HMCN1: variants seen among roughly 807,000 people sequenced by gnomAD.
HMCN1 encodes hemicentin 1.
Under a neutral mutation model 625.9 loss-of-function variants are expected in HMCN1, and 321 were observed. The ratio of observed to expected loss-of-function variants is 0.51; its 90% CI spans 0.47 to 0.56. The LOEUF is 0.56. Among genes scored for constraint, HMCN1 ranks in the 20% least tolerant of loss-of-function variants. HMCN1 has a pLI of 0.00. For missense variants in HMCN1, 6,588 were observed against 6,887.3 expected (o/e 0.96, Z 1.54); for synonymous variants, 2,425 against 2,417.6 (o/e 1.00, Z -0.09).
Position 186,038,872 on chromosome 1 carries a change from C to T in HMCN1, c.5895C>T (p.Thr1965=). ...YKDNRLLSGS[T]SMTFLNRGQI... ...ATAATCGTCTACTCTCAGGTTCCACCAGCATGACTTTCTTGAACAGAGGAC... is the reference window on the plus strand; with the variant it reads ...ATAATCGTCTACTCTCAGGTTCCACTAGCATGACTTTCTTGAACAGAGGAC... Residue 1965 remains threonine (T), a synonymous_variant, in exon 38 of 107, where the codon ACC becomes ACT. Coordinates refer to ENST00000271588, the MANE Select transcript of HMCN1 (RefSeq NM_031935.3). The T allele has an allele frequency of 1.2e-6, 2 of 1,604,082 alleles. No individual in the cohort carries two copies. The highest frequency in any genetic ancestry group is 1.7e-6 in the Non-Finnish European group (2 of 1,171,066).
At chr1:185,870,029 T>C (rs1390523904) in intron 4 of HMCN1, among the ~76,000 whole-genome samples, 2 of 151,368 alleles carry the variant, frequency 1.3e-5, no homozygotes, top group East Asian at 3.9e-4. Flanking sequence ...CTGTTTTTTT[T>C]TTTTTTTAAA....
chr1:185,909,556 G>T (rs768201138), intron 5 of HMCN1, 48 bp downstream of exon 5: 10 of 1,507,360 alleles, frequency 6.6e-6, no homozygotes. Context: ...TACATAGAGG[G>T]TAAAATACTT....
At chr1:185,982,923 A>C (rs1651752327) in intron 18 of HMCN1, among the ~76,000 whole-genome samples, 1 of 152,038 alleles carries the variant, frequency 6.6e-6, no homozygotes, top group Admixed American at 6.6e-5. Flanking sequence ...TAATTTTCAT[A>C]ATTTTATATT....
At chr1:186,146,172 C>T (rs1330613432) in intron 93 of HMCN1, among the ~76,000 whole-genome samples, 3 of 152,018 alleles carry the variant, frequency 2.0e-5, no homozygotes, top group Admixed American at 1.3e-4. Flanking sequence ...AAGGGTGAGG[C>T]AGAGTGGGGA....
rs555843144 is a variant in HMCN1 at position 185,779,492 on chromosome 1, A to G, written c.268+44445A>G. Among the ~76,000 whole-genome samples the G allele has an allele frequency of 3.0e-3, 455 of 152,352 alleles. 1 individual carries two copies. The highest frequency in any genetic ancestry group is 0.01 in the African/African-American group (430 of 41,578). ...TTTATGGTTTTAGGTCTAACATTTA[A>G]GTCTTTAATCCATCTTGAATTAATT... On this transcript the variant is annotated intron_variant, in intron 1 of 106. Transcript: ENST00000271588.
At chr1:185,773,279 C>A (rs1317298489) in intron 1 of HMCN1, among the ~76,000 whole-genome samples, 1 of 152,172 alleles carries the variant, frequency 6.6e-6, no homozygotes, top group Non-Finnish European at 1.5e-5. Context: ...TAACCCTCCA[C>A]AACAAAGAAT....
chr1:185,866,761 C>G (rs1663270648), intron 4 of HMCN1, among the ~76,000 whole-genome samples: 1 of 151,912 alleles, frequency 6.6e-6, no homozygotes, highest in Non-Finnish European at 1.5e-5. Flanking sequence ...TCATAATGAC[C>G]TTTTTTTAAA....
intron 93 of HMCN1, among the ~76,000 whole-genome samples, chr1:186,149,300 A>G (rs1051214670): frequency 6.6e-6 from 1 of 152,240 alleles, no homozygotes; most frequent in Admixed American, 6.5e-5. Context: ...CACCTTTATC[A>G]GTGACTTAGC....
At chr1:186,118,097 T>A (rs1661222879) in intron 77 of HMCN1, among the ~76,000 whole-genome samples, 1 of 152,080 alleles carries the variant, frequency 6.6e-6, no homozygotes, top group African/African-American at 2.4e-5. Context: ...TAAGACTGAG[T>A]GAGTAGCGAG....
At chr1:186,117,909 G>A (rs1449527514) in intron 77 of HMCN1, among the ~76,000 whole-genome samples, 1 of 152,060 alleles carries the variant, frequency 6.6e-6, no homozygotes, top group Non-Finnish European at 1.5e-5. Context: ...CAAACCTAAG[G>A]TTTAACAAAT....
intron 17 of HMCN1, 26 bp downstream of exon 17, chr1:185,981,099 C>CCATG (rs771767235): frequency 7.6e-7 from 1 of 1,318,820 alleles, no homozygotes; most frequent in East Asian, 2.3e-5. Flanking sequence ...TGTCTACATA[C>CCATG]CATGGTCTTC....
At chr1:185,941,526 C>T (rs1571590689) in intron 11 of HMCN1, among the ~76,000 whole-genome samples, 1 of 152,118 alleles carries the variant, frequency 6.6e-6, no homozygotes, top group East Asian at 1.9e-4. Flanking sequence ...TAAATTCTTT[C>T]TGAACCAAAA....
Position 186,182,172 on chromosome 1 carries a change from T to G in HMCN1, c.16299T>G (p.Ile5433Met), listed in dbSNP as rs553018813. 68 of 1,613,050 alleles carry G rather than the reference T, an allele frequency of 4.2e-5. No homozygotes were observed. The highest frequency in any genetic ancestry group is 5.6e-5 in the Non-Finnish European group (66 of 1,179,270). ...SEASHDTCVD[I>M]DECENTDACQ... ...CTCTGTCTTCTTCCTGAACAGATAT[T>G]GATGAATGTGAAAATACAGATGCCT... Residue 5433 changes from isoleucine (I) to methionine (M), a missense_variant, in exon 105 of 107, where the codon ATT (isoleucine) becomes ATG (methionine). Physicochemically the swap from Ile to Met is conservative, Grantham distance 10. This residue lies in a region of HMCN1 where 1,954 missense variants were observed against 2,013.1 expected (regional missense o/e 0.97). Coordinates refer to ENST00000271588, the MANE Select transcript of HMCN1 (RefSeq NM_031935.3).
Position 185,846,029 on chromosome 1 carries a change from T to G in HMCN1, c.272T>G (p.Ile91Ser), listed in dbSNP as rs1661792122. 1 of 1,601,462 alleles carries G rather than the reference T, an allele frequency of 6.2e-7. No individual in the cohort carries two copies. Among genetic ancestry groups the G allele is most frequent in the African/African-American group, 1.3e-5 (1 of 74,646 alleles). ...FALVPFHDPE[I>S]GPVTITTDPK... is the part of the protein sequence containing the mutation. ...TATGTTATTTTTATCTTCACAGAAA[T>G]TGGCCCAGTGACAATTACCACAGAT... The change falls in exon 2 of 107, where the codon ATT becomes AGT. Residue 91 changes from isoleucine (I) to serine (S), a missense_variant. Transcript: ENST00000271588.
At chr1:186,087,909 A>ACC in intron 60 of HMCN1, 23 bp from the exon 61 acceptor site, 1 of 1,589,390 alleles carries the variant, frequency 6.3e-7, no homozygotes, top group Non-Finnish European at 8.6e-7. Flanking sequence ...TGGAGCACAT[A>ACC]CAATAGTATC....
At chr1:185,926,985 A>G (rs190250214) in intron 9 of HMCN1, among the ~76,000 whole-genome samples, 1 of 152,332 alleles carries the variant, frequency 6.6e-6, no homozygotes, top group East Asian at 1.9e-4. Context: ...ACATTTCATC[A>G]TCAAGAAAGG....
rs905770187 is a variant in HMCN1 at position 185,982,168 on chromosome 1, T to C, written c.2663-94T>C. ...TTGTTTCTGAAAACTCAAACTTTTA[T>C]AGCATAACTAACAGTCTTTGGGGCC... is the stretch of plus-strand genomic sequence containing the variant. On this transcript the variant is annotated intron_variant, in intron 17 of 106. Transcript: ENST00000271588. 1.7e-5 allele frequency: 21 copies of C among 1,234,292 alleles called. No individual in the cohort carries two copies. The Middle Eastern group carries it at 7.5e-4, about 44-fold the overall frequency. 76.5% of individuals were successfully genotyped at this position (1,234,292 alleles called of 1,614,324 possible). A position where few individuals can be genotyped will look rare whatever the true frequency, so the allele number is the denominator to read the frequency against.
intron 93 of HMCN1, among the ~76,000 whole-genome samples, chr1:186,149,597 C>T (rs575738129): frequency 9.5e-4 from 144 of 152,266 alleles, no homozygotes; most frequent in Non-Finnish European, 1.2e-3. Context: ...TTTTAATTTT[C>T]TTCAAGACTT....
At chr1:185,799,538 G>A (rs569745023) in intron 1 of HMCN1, among the ~76,000 whole-genome samples, 52 of 152,280 alleles carry the variant, frequency 3.4e-4, no homozygotes, top group Non-Finnish European at 5.9e-4. Context: ...CAAGAATGGT[G>A]TAGACTCTAT....
Sources: gnomAD v4.1 joint callset for allele counts (sites outside exome capture counted in the v4.1 genomes callset) on GRCh38, gnomAD v4.1.1 for gene constraint, gnomAD v4.1.1 regional missense constraint, MANE v1.5 for transcripts, NCBI Gene and HGNC (gene_info 2026-07-23, HGNC 2026-07-21) for gene names.